The following CDK13 variants were observed in gnomAD, a reference collection of about 807,000 sequenced individuals.
The protein encoded by CDK13 is cyclin dependent kinase 13, also known as cyclin-dependent kinase 13.
In CDK13, 40 loss-of-function variants were observed where a neutral mutation model predicts 137.6. The observed-to-expected ratio is 0.29, with a 90% CI of 0.23 to 0.38. The LOEUF is 0.38. Among genes scored for constraint, CDK13 ranks in the 10% least tolerant of loss-of-function variants. The pLI is 1.00. For synonymous variants in CDK13, 869 were observed against 760.1 expected, an observed-to-expected ratio of 1.14 and a Z score of -2.36; for missense variants, 1,704 against 1,951.8, an observed-to-expected ratio of 0.87 and a Z score of 2.39.
chr7:40,046,080 A>G, intron 6 of CDK13, 55 bp downstream of exon 6: 1 of 1,090,464 alleles, frequency 9.2e-7, no homozygotes, highest in Non-Finnish European at 1.3e-6. Flanking sequence ...GGACATGTAC[A>G]TGGAGAGAAT....
Position 40,092,913 on chromosome 7 carries a change from A to G in CDK13, c.3364A>G (p.Thr1122Ala), listed in dbSNP as rs1262458427. The G allele has an allele frequency of 6.2e-7, 1 of 1,614,216 alleles. No individual in the cohort carries two copies. Among genetic ancestry groups the G allele is most frequent in the Admixed American group, 1.7e-5 (1 of 60,016 alleles). ...QVLNIKVNSE[T>A]QQQLNKINLP... ...GTTGAACATTAAGGTAAACTCTGAG[A>G]CTCAACAGCAGCTAAATAAAATAAA... is the stretch of plus-strand genomic sequence containing the variant. The change falls in exon 13 of 14, where the codon ACT becomes GCT. Residue 1122 changes from threonine (T) to alanine (A), a missense_variant. Transcript: ENST00000181839.
intron 1 of CDK13, among the ~76,000 whole-genome samples, chr7:39,958,568 A>G (rs1228680240): frequency 6.6e-6 from 1 of 152,172 alleles, no homozygotes; most frequent in Non-Finnish European, 1.5e-5. Context: ...ACATGTAACA[A>G]TGCTGTCTTG....
chr7:40,015,239 G>C (rs988601842), intron 5 of CDK13, among the ~76,000 whole-genome samples: 1 of 152,148 alleles, frequency 6.6e-6, no homozygotes, highest in African/African-American at 2.4e-5. Flanking sequence ...CAAAGGGACT[G>C]TTAGGAGTTT....
intron 9 of CDK13, among the ~76,000 whole-genome samples, chr7:40,073,314 C>T (rs952083644): frequency 3.3e-5 from 5 of 152,116 alleles, no homozygotes; most frequent in African/African-American, 1.2e-4. Context: ...CTGGTAGGAA[C>T]CCTACGATCT....
chr7:39,989,606 TTATAC>T lies in CDK13; in HGVS notation c.1871+1351_1871+1355del, dbSNP rs201065045. ...TCCAATTTAATCGGGTGTTATTTAA[TTATAC>T]TACTATAATTGTTGTATTTGCAGGT... On this transcript the variant is annotated intron_variant, in intron 2 of 13. Transcript: ENST00000181839. Among the ~76,000 whole-genome samples, 12 of 152,278 alleles carry T rather than the reference TTATAC, an allele frequency of 7.9e-5. No individual in the cohort carries two copies. In the East Asian group the frequency reaches 2.3e-3, roughly 29 times the overall value.
intron 4 of CDK13, among the ~76,000 whole-genome samples, chr7:40,000,426 C>T (rs1052337869): frequency 1.3e-5 from 2 of 151,878 alleles, no homozygotes; most frequent in African/African-American, 2.4e-5. Context: ...ACCTATAATC[C>T]CAGCTACTTG....
At chr7:40,039,215 C>T (rs772175028) in intron 5 of CDK13, among the ~76,000 whole-genome samples, 1 of 151,772 alleles carries the variant, frequency 6.6e-6, no homozygotes, top group South Asian at 2.1e-4. Flanking sequence ...TCTGTAAGGT[C>T]GTTGATCTTT....
chr7:39,962,097 A>T (rs1267147341), intron 1 of CDK13, among the ~76,000 whole-genome samples: 1 of 152,214 alleles, frequency 6.6e-6, no homozygotes, highest in Non-Finnish European at 1.5e-5. Context: ...CAATAAACAT[A>T]CATGTGCATG....
At chr7:40,038,432 G>T (rs1206372299) in intron 5 of CDK13, among the ~76,000 whole-genome samples, 1 of 152,118 alleles carries the variant, frequency 6.6e-6, no homozygotes, top group Non-Finnish European at 1.5e-5. Flanking sequence ...GCATTGAATA[G>T]CCCTATGCAT....
chr7:40,040,667 T>G (rs909549782), intron 5 of CDK13, among the ~76,000 whole-genome samples: 1 of 150,156 alleles, frequency 6.7e-6, no homozygotes, highest in Non-Finnish European at 1.5e-5. Context: ...GTAAGAGTGT[T>G]TATAGTTTAA....
At chr7:40,010,057 G>A (rs191152654) in intron 5 of CDK13, among the ~76,000 whole-genome samples, 1 of 152,262 alleles carries the variant, frequency 6.6e-6, no homozygotes, top group Admixed American at 6.5e-5. Context: ...GGGAGGTGGG[G>A]ATGGTTTTGG....
chr7:39,964,024 G>A (rs1303176856), intron 1 of CDK13, among the ~76,000 whole-genome samples: 1 of 152,212 alleles, frequency 6.6e-6, no homozygotes, highest in Non-Finnish European at 1.5e-5. Flanking sequence ...TGGTTTGCCA[G>A]TATTTTATTG....
chr7:40,085,004 A>G (rs540368114), intron 11 of CDK13, among the ~76,000 whole-genome samples: 42 of 152,272 alleles, frequency 2.8e-4, no homozygotes, highest in Admixed American at 1.8e-3. Context: ...TATTTTAGCT[A>G]TTTCTTGGGT....
chr7:40,066,031 CA>C (rs1786272395), intron 9 of CDK13, among the ~76,000 whole-genome samples: 1 of 152,002 alleles, frequency 6.6e-6, no homozygotes, highest in African/African-American at 2.4e-5. Context: ...CAAATTAAAA[CA>C]AACAAACAAA....
At chr7:39,962,726 G>A (rs147655665) in intron 1 of CDK13, among the ~76,000 whole-genome samples, 7,124 of 152,238 alleles carry the variant, frequency 0.047, 203 homozygotes, top group Middle Eastern at 0.078. Flanking sequence ...GTCCTGAATG[G>A]TATTGCCTAG....
At chr7:40,021,098 CAAACGTATATATATATATATATAT>C (rs879680904) in intron 5 of CDK13, among the ~76,000 whole-genome samples, 3,328 of 28,898 alleles carry the variant, frequency 0.12, 65 homozygotes, top group Admixed American at 0.24. Context: ...TCAGAGCAAA[CAAACGTATATATATATATATATAT>C]ACACACACAC....
intron 1 of CDK13, among the ~76,000 whole-genome samples, chr7:39,966,623 A>G (rs1464433701): frequency 6.6e-6 from 1 of 152,168 alleles, no homozygotes; most frequent in Non-Finnish European, 1.5e-5. Flanking sequence ...CGTCGAAGTC[A>G]TTCTCTGTCC....
Position 39,951,690 on chromosome 7 carries a change from C to G in CDK13, c.1049C>G (p.Pro350Arg), listed in dbSNP as rs1453504781. 1 of 1,462,674 alleles carries G rather than the reference C, an allele frequency of 6.8e-7. No homozygotes were observed. Among genetic ancestry groups the G allele is most frequent in the Non-Finnish European group, 9.0e-7 (1 of 1,113,498 alleles). The allele number at this position is 1,462,674 out of a possible 1,614,324, so 90.6% of individuals were successfully genotyped here. The change falls in exon 1 of 14, where the codon CCC becomes CGC. Residue 350 changes from proline (P) to arginine (R), a missense_variant. By Grantham distance (103) the Pro-to-Arg change is moderately radical. Transcript: ENST00000181839. The part of the protein sequence containing the change: ...SPSPAGGGSS[P>R]YSRRLPRSPS... Reference sequence around the variant, plus strand: ...AGCCCGGCAGGAGGTGGCAGCAGCCCCTATTCTCGGCGGCTGCCGCGCTCC... The same window carrying G: ...AGCCCGGCAGGAGGTGGCAGCAGCCGCTATTCTCGGCGGCTGCCGCGCTCC...
At chr7:40,024,009 G>C (rs961791452) in intron 5 of CDK13, among the ~76,000 whole-genome samples, 1 of 152,116 alleles carries the variant, frequency 6.6e-6, no homozygotes, top group Non-Finnish European at 1.5e-5. Context: ...ATTTTCTGCA[G>C]GGAAAGTAAC....
Sources: allele counts gnomAD v4.1 joint callset (sites outside exome capture counted in the v4.1 genomes callset), GRCh38; gene constraint gnomAD v4.1.1; transcripts MANE v1.5; gene names NCBI Gene and HGNC (gene_info 2026-07-23, HGNC 2026-07-21).